The following TRIOBP variants were observed in gnomAD, a reference collection of about 807,000 sequenced individuals.
TRIOBP encodes the protein TRIO and F-actin binding protein, also known as TRIO and F-actin-binding protein.
Under a neutral mutation model 238.8 loss-of-function variants are expected in TRIOBP, and 169 were observed. That is an observed-to-expected ratio of 0.71 (90% CI 0.62 to 0.80). TRIOBP has a LOEUF of 0.80. Ranked by LOEUF, TRIOBP falls within the 30% of genes least tolerant of loss-of-function variation. The pLI is 0.00. For missense variants in TRIOBP, 2,838 were observed against 3,122.6 expected, an observed-to-expected ratio of 0.91 and a Z score of 2.17; for synonymous variants, 1,150 against 1,274.4, an observed-to-expected ratio of 0.90 and a Z score of 2.08.
intron 22 of TRIOBP, chr22:37,771,951 T>C: frequency 1.5e-6 from 1 of 674,096 alleles, no homozygotes; most frequent in Non-Finnish European, 2.7e-6. Context: ...GTACTTGGCT[T>C]CTGTTTATTT....
chr22:37,730,786 A>G (rs1481697342), intron 7 of TRIOBP, among the ~76,000 whole-genome samples: 2 of 152,048 alleles, frequency 1.3e-5, no homozygotes, highest in East Asian at 3.9e-4. Context: ...GTCTCTACTA[A>G]AAATATAAAA....
intron 7 of TRIOBP, among the ~76,000 whole-genome samples, chr22:37,731,882 G>A (rs754805724): frequency 3.0e-4 from 46 of 152,170 alleles, no homozygotes; most frequent in Non-Finnish European, 4.9e-4. Flanking sequence ...GACCCATTGC[G>A]CCCTGCCCAA....
chr22:37,701,365 T>C lies in TRIOBP; in HGVS notation c.-1T>C. The C allele has an allele frequency of 6.2e-7, 1 of 1,611,638 alleles. No individual in the cohort carries two copies. On this transcript the variant is annotated 5_prime_UTR_variant, in exon 3 of 24. Coordinates refer to ENST00000644935, the MANE Select transcript of TRIOBP (RefSeq NM_001039141.3). Reference sequence around the variant, plus strand: ...AACTGCCCTGGCCTGACTCACCCAATATGGAGGAGGTGCCTGGGGATGCCC... The same window carrying C: ...AACTGCCCTGGCCTGACTCACCCAACATGGAGGAGGTGCCTGGGGATGCCC...
chr22:37,755,631 C>G lies in TRIOBP; in HGVS notation c.5659C>G (p.Arg1887Gly). The G allele has an allele frequency of 6.2e-7, 1 of 1,614,084 alleles. No individual in the cohort carries two copies. The highest frequency in any genetic ancestry group is 8.5e-7 in the Non-Finnish European group (1 of 1,180,034). The stretch of plus-strand genomic sequence containing the variant: ...GATCGAGGCTCTGAGAAAGACCGTA[C>G]GTCCAACTTCAGCCCCAGATGTCAC... ...NWIEALRKTV[R>G]PTSAPDVTKL... Residue 1887 changes from arginine (R) to glycine (G), a missense_variant, in exon 15 of 24, where the codon CGT (arginine) becomes GGT (glycine). Coordinates refer to ENST00000644935, the MANE Select transcript of TRIOBP (RefSeq NM_001039141.3).
chr22:37,725,429 A>G lies in TRIOBP; in HGVS notation c.2873A>G (p.His958Arg), dbSNP rs1208471514. The change falls in exon 7 of 24, where the codon CAT (histidine) becomes CGT (arginine). Residue 958 changes from histidine (H) to arginine (R), a missense_variant. Coordinates refer to ENST00000644935, the MANE Select transcript of TRIOBP (RefSeq NM_001039141.3). ...TCCTCTCCCAGCAGGCCAGCCCAGCATGACCCACCCCAGTCCTCCTTTGGC... is the reference window on the plus strand; with the variant it reads ...TCCTCTCCCAGCAGGCCAGCCCAGCGTGACCCACCCCAGTCCTCCTTTGGC... ...QTSSPSRPAQ[H>R]DPPQSSFGPT... The G allele has an allele frequency of 1.1e-5, 18 of 1,610,554 alleles. No homozygotes were observed. Among genetic ancestry groups the G allele is most frequent in the Non-Finnish European group, 8.5e-7 (1 of 1,177,850 alleles).
intron 11 of TRIOBP, chr22:37,750,948 C>T (rs1047810240): frequency 7.1e-5 from 26 of 365,746 alleles, no homozygotes; most frequent in Non-Finnish European, 1.4e-4. Context: ...AACCGGTGGC[C>T]ACCTCCTCCC....
At chr22:37,751,344 C>T (rs1053864105) in intron 11 of TRIOBP, 9 of 335,646 alleles carry the variant, frequency 2.7e-5, no homozygotes, top group Admixed American at 2.1e-4. Context: ...TGGGAGGGTC[C>T]GTGGGGCACT....
At chr22:37,700,838 C>T (rs950128868) in intron 2 of TRIOBP, among the ~76,000 whole-genome samples, 1 of 152,084 alleles carries the variant, frequency 6.6e-6, no homozygotes, top group Non-Finnish European at 1.5e-5. Flanking sequence ...ATTACAGGCA[C>T]GTGCCATCAC....
Position 37,741,044 on chromosome 22 carries a change from C to T in TRIOBP, c.5322+12C>T. ...TCAGGTGGCGAAGGGTAGGCTGGCT[C>T]CAGTGGGGACTGGAGGGGTGAGGGT... On this transcript the variant is annotated intron_variant, in intron 11 of 23. Coordinates refer to ENST00000644935, the MANE Select transcript of TRIOBP (RefSeq NM_001039141.3). 6.4e-7 allele frequency: 1 copy of T among 1,561,432 alleles called. No homozygotes were observed. Among genetic ancestry groups the T allele is most frequent in the Non-Finnish European group, 8.7e-7 (1 of 1,152,370 alleles).
intron 17 of TRIOBP, among the ~76,000 whole-genome samples, chr22:37,763,373 G>GGACACA (rs1926334312): frequency 6.6e-6 from 1 of 152,188 alleles, no homozygotes; most frequent in African/African-American, 2.4e-5. Flanking sequence ...ATGTTCTGTT[G>GGACACA]TCCTAAGCCA....
chr22:37,771,703 G>A lies in TRIOBP; in HGVS notation c.6903G>A (p.Gln2301=). ...TCCAGTACCTAAAGAAGGAGGTGCAGTGCCTCCGGGACGAGCTCCAGATGA... is the reference window on the plus strand; with the variant it reads ...TCCAGTACCTAAAGAAGGAGGTGCAATGCCTCCGGGACGAGCTCCAGATGA... ...NELQYLKKEV[Q]CLRDELQMMQ... is the part of the protein sequence containing the mutation. The change falls in exon 22 of 24, where the codon CAG becomes CAA. Residue 2301 remains glutamine (Q), a synonymous_variant. Transcript: ENST00000644935. 1 of 1,614,164 alleles carries A rather than the reference G, an allele frequency of 6.2e-7. No individual in the cohort carries two copies. The highest frequency in any genetic ancestry group is 8.5e-7 in the Non-Finnish European group (1 of 1,180,022).
intron 21 of TRIOBP, among the ~76,000 whole-genome samples, chr22:37,770,372 C>T (rs1926710841): frequency 6.8e-6 from 1 of 146,496 alleles, no homozygotes; most frequent in South Asian, 2.4e-4. Flanking sequence ...ATGGCATGAA[C>T]CTGGGAGGCG....
intron 17 of TRIOBP, chr22:37,759,778 C>T (rs1334801521): frequency 1.5e-6 from 2 of 1,378,830 alleles, no homozygotes; most frequent in Non-Finnish European, 1.9e-6. Context: ...CCATTTTGTC[C>T]CCCTTGGGGA....
In TRIOBP at chr22:37,723,333, T is replaced by C. The variant is rs1012478768; in HGVS notation, c.777T>C (p.Ala259=). The change falls in exon 7 of 24, where the codon GCT becomes GCC. Residue 259 remains alanine, a synonymous_variant. Coordinates refer to ENST00000644935, the MANE Select transcript of TRIOBP (RefSeq NM_001039141.3). ...GACCTCGAAGCACCACGTCTCAGGC[T>C]TCTCCTGCCCAAAGGGACACTGCTC... ...HSGPRSTTSQ[A]SPAQRDTAQA... is the part of the protein sequence containing the mutation. 2.5e-6 allele frequency: 4 copies of C among 1,614,064 alleles called. No individual in the cohort carries two copies. Among genetic ancestry groups the C allele is most frequent in the South Asian group, 1.1e-5 (1 of 91,090 alleles).
chr22:37,742,606 T>C (rs1037161202), intron 11 of TRIOBP, among the ~76,000 whole-genome samples: 2 of 152,026 alleles, frequency 1.3e-5, no homozygotes, highest in African/African-American at 4.8e-5. Context: ...GCACCGAGGG[T>C]GAGCAGGCAA....
intron 18 of TRIOBP, among the ~76,000 whole-genome samples, chr22:37,766,338 C>CT (rs1320446149): frequency 1.3e-5 from 2 of 152,256 alleles, no homozygotes; most frequent in Admixed American, 1.3e-4. Flanking sequence ...TGCTGTGTGC[C>CT]TGGCACATTC....
At position 37,758,145 on chromosome 22, in the gene TRIOBP, A is replaced by G. The variant is rs1393774472; in HGVS notation, c.6213+7A>G. The G allele has an allele frequency of 1.2e-6, 2 of 1,610,540 alleles. No individual in the cohort carries two copies. Among genetic ancestry groups the G allele is most frequent in the Admixed American group, 1.7e-5 (1 of 59,976 alleles). On this transcript the variant is annotated splice_region_variant and intron_variant, in intron 16 of 23. Coordinates refer to ENST00000644935, the MANE Select transcript of TRIOBP (RefSeq NM_001039141.3). ...CGAGGCACTGGAGAAGGAGGTAGGC[A>G]CCACGGCTGGCTCTCTAGGAGGCCC...
chr22:37,763,544 C>G (rs1926343180), intron 17 of TRIOBP, among the ~76,000 whole-genome samples: 1 of 152,198 alleles, frequency 6.6e-6, no homozygotes, highest in Non-Finnish European at 1.5e-5. Context: ...TCATCTGGTC[C>G]TCTGTGCCTT....
At chr22:37,699,595 A>G (rs1353141003) in intron 2 of TRIOBP, among the ~76,000 whole-genome samples, 1 of 152,008 alleles carries the variant, frequency 6.6e-6, no homozygotes, top group Non-Finnish European at 1.5e-5. Flanking sequence ...AGGCTGGAGT[A>G]CAGTGGTGCA....
Sources: gnomAD v4.1 joint callset for allele counts (sites outside exome capture counted in the v4.1 genomes callset) on GRCh38, gnomAD v4.1.1 for gene constraint, MANE v1.5 for transcripts, NCBI Gene and HGNC (gene_info 2026-07-23, HGNC 2026-07-21) for gene names.